The following ZNF609 variants were observed in gnomAD, a reference collection of about 807,000 sequenced individuals.
The protein encoded by ZNF609 is zinc finger protein 609.
Under a neutral mutation model 109.5 loss-of-function variants are expected in ZNF609, and 11 were observed. The ratio of observed to expected loss-of-function variants is 0.10; its 90% CI spans 0.06 to 0.17. The LOEUF is 0.17. Among genes scored for constraint, ZNF609 ranks in the 10% least tolerant of loss-of-function variants. ZNF609 has a pLI of 1.00. For missense variants in ZNF609, 1,559 were observed against 1,772.4 expected, an observed-to-expected ratio of 0.88 and a Z score of 2.16; for synonymous variants, 646 against 662.0, an observed-to-expected ratio of 0.98 and a Z score of 0.37.
intron 2 of ZNF609, among the ~76,000 whole-genome samples, chr15:64,538,865 T>G (rs1056842221): frequency 6.6e-6 from 1 of 151,948 alleles, no homozygotes; most frequent in Admixed American, 6.6e-5. Context: ...TTTATAGAGA[T>G]AAAATAAAAC....
intron 2 of ZNF609, among the ~76,000 whole-genome samples, chr15:64,531,413 A>T (rs1894059091): frequency 6.6e-6 from 1 of 152,010 alleles, no homozygotes; most frequent in Non-Finnish European, 1.5e-5. Flanking sequence ...TATTATTATT[A>T]TTTGGGACAG....
rs1892927347 is a variant in ZNF609 at position 64,460,783 on chromosome 15, C to T, written c.-183C>T. 6.7e-6 allele frequency: 1 copy of T among 150,246 alleles called. No individual in the cohort carries two copies. 9.3% of individuals were successfully genotyped at this position (150,246 alleles called of 1,614,324 possible). ...CCTGGGCCCCGTAGCAGCGGCGGCT[C>T]TACGGCCCGGGGCCCCGGGCGGGCG... On this transcript the variant is annotated 5_prime_UTR_variant, in exon 1 of 10. Transcript: ENST00000326648.
chr15:64,680,108 C>T (rs935512730), intron 6 of ZNF609, 77 bp from the exon 7 acceptor site: 28 of 1,499,842 alleles, frequency 1.9e-5, no homozygotes, highest in Non-Finnish European at 2.4e-5. Flanking sequence ...AGCTGATGCC[C>T]ACCCAATCAA....
intron 5 of ZNF609, among the ~76,000 whole-genome samples, chr15:64,677,085 C>G (rs953422919): frequency 6.6e-6 from 1 of 150,490 alleles, no homozygotes; most frequent in Non-Finnish European, 1.5e-5. Flanking sequence ...TTTATAGAGA[C>G]CAGAGTCCCT....
intron 2 of ZNF609, among the ~76,000 whole-genome samples, chr15:64,539,270 C>T (rs969891107): frequency 9.9e-5 from 15 of 151,470 alleles, no homozygotes; most frequent in African/African-American, 3.2e-4. Context: ...TGCAGTGGCG[C>T]GATCTCGGCT....
At chr15:64,639,605 C>G (rs573424677) in intron 3 of ZNF609, among the ~76,000 whole-genome samples, 13 of 152,042 alleles carry the variant, frequency 8.6e-5, no homozygotes, top group African/African-American at 3.1e-4. Context: ...TAGGGCAGAC[C>G]CTAATGACCT....
intron 2 of ZNF609, among the ~76,000 whole-genome samples, chr15:64,547,384 G>T (rs1894382404): frequency 6.6e-6 from 1 of 152,104 alleles, no homozygotes; most frequent in South Asian, 2.1e-4. Flanking sequence ...GTAGGTCTCT[G>T]CATGCATGTT....
chr15:64,615,646 C>T (rs1054366667), intron 2 of ZNF609, among the ~76,000 whole-genome samples: 3 of 151,336 alleles, frequency 2.0e-5, no homozygotes, highest in African/African-American at 7.3e-5. Flanking sequence ...ACCACCATGC[C>T]TGGCTAATTT....
intron 2 of ZNF609, among the ~76,000 whole-genome samples, chr15:64,588,051 C>T (rs905273375): frequency 1.3e-5 from 2 of 151,792 alleles, no homozygotes; most frequent in African/African-American, 4.8e-5. Flanking sequence ...AGGAGGATCT[C>T]TTAAGCCCGG....
At chr15:64,487,514 C>T (rs1411930350) in intron 1 of ZNF609, among the ~76,000 whole-genome samples, 1 of 152,178 alleles carries the variant, frequency 6.6e-6, no homozygotes, top group Non-Finnish European at 1.5e-5. Context: ...TTCCAGCACC[C>T]TGCAAGATTC....
chr15:64,537,171 C>T (rs1252395717), intron 2 of ZNF609, among the ~76,000 whole-genome samples: 1 of 150,746 alleles, frequency 6.6e-6, no homozygotes, highest in Non-Finnish European at 1.5e-5. Flanking sequence ...TACAGTGAGT[C>T]GAGATCGTGC....
intron 2 of ZNF609, chr15:64,501,291 T>A (rs1893558794): frequency 6.6e-6 from 1 of 152,312 alleles, no homozygotes; most frequent in African/African-American, 2.4e-5. Context: ...GGTGCCCTCT[T>A]AGTGCCTGTA....
intron 2 of ZNF609, among the ~76,000 whole-genome samples, chr15:64,605,507 C>A (rs1895579876): frequency 6.6e-6 from 1 of 152,142 alleles, no homozygotes; most frequent in Non-Finnish European, 1.5e-5. Context: ...ACTACCATTA[C>A]CATTATTATT....
chr15:64,574,224 C>G (rs1298758895), intron 2 of ZNF609, among the ~76,000 whole-genome samples: 1 of 119,526 alleles, frequency 8.4e-6, no homozygotes, highest in Non-Finnish European at 1.6e-5. Flanking sequence ...TGAGAATTTA[C>G]TTTCTCTCTG....
At chr15:64,477,070 A>G (rs1167100116) in intron 1 of ZNF609, among the ~76,000 whole-genome samples, 1 of 149,884 alleles carries the variant, frequency 6.7e-6, no homozygotes, top group Non-Finnish European at 1.5e-5. Flanking sequence ...TTATGTCTAG[A>G]TGCTCTCTTG....
At chr15:64,500,326 C>A in intron 2 of ZNF609, 160 bp downstream of exon 2, 3 of 1,028,942 alleles carry the variant, frequency 2.9e-6, no homozygotes, top group Non-Finnish European at 4.4e-6. Context: ...GGTTTTCTTC[C>A]AAATTAGAGG....
At chr15:64,570,918 C>A (rs892518203) in intron 2 of ZNF609, among the ~76,000 whole-genome samples, 2 of 151,970 alleles carry the variant, frequency 1.3e-5, no homozygotes, top group South Asian at 2.1e-4. Flanking sequence ...CCCAGCTACT[C>A]GGGAGGCTGA....
intron 2 of ZNF609, among the ~76,000 whole-genome samples, chr15:64,552,210 T>G (rs1441529594): frequency 6.6e-6 from 1 of 152,202 alleles, no homozygotes; most frequent in African/African-American, 2.4e-5. Flanking sequence ...TAATGGGTCA[T>G]GCTTTCCATA....
chr15:64,485,213 T>C lies in ZNF609; in HGVS notation c.-127-14080T>C, dbSNP rs1596380165. 2.0e-5 allele frequency among the ~76,000 whole-genome samples: 3 copies of C among 152,056 alleles called. No individual in the cohort carries two copies. In the South Asian group the frequency reaches 6.2e-4, roughly 32 times the overall value. On this transcript the variant is annotated intron_variant, in intron 1 of 9. Transcript: ENST00000326648. ...TGACCAAAGAAGGTGAAGGCTTTAA[T>C]GAATACATGCAAAGAAAAAAAAAAT...
Sources: gnomAD v4.1 joint callset for allele counts (sites outside exome capture counted in the v4.1 genomes callset) on GRCh38, gnomAD v4.1.1 for gene constraint, MANE v1.5 for transcripts, NCBI Gene and HGNC (gene_info 2026-07-23, HGNC 2026-07-21) for gene names.